The following LHFPL3 variants were observed in gnomAD, a reference collection of about 807,000 sequenced individuals.
The protein encoded by LHFPL3 is LHFPL tetraspan subfamily member 3 protein.
A neutral mutation model predicts 19.3 loss-of-function variants in LHFPL3; 5 were observed. The ratio of observed to expected loss-of-function variants is 0.26; its 90% CI spans 0.14 to 0.54. The LOEUF (loss-of-function observed/expected upper bound fraction) is 0.54. LHFPL3 is among the 20% of genes least tolerant of loss of function. The pLI, the probability that LHFPL3 is intolerant of heterozygous loss-of-function variation, is 0.94. For missense variants in LHFPL3, 249 were observed against 307.4 expected, an observed-to-expected ratio of 0.81 and a Z score of 1.42; for synonymous variants, 133 against 126.2, an observed-to-expected ratio of 1.05 and a Z score of -0.36.
At chr7:104,839,964 A>T (rs1217187720) in intron 2 of LHFPL3, among the ~76,000 whole-genome samples, 1 of 152,110 alleles carries the variant, frequency 6.6e-6, no homozygotes, top group African/African-American at 2.4e-5. Flanking sequence ...CCTAATCTCA[A>T]AATGAAGCAA....
At chr7:104,685,646 A>G (rs1792790506) in intron 1 of LHFPL3, among the ~76,000 whole-genome samples, 1 of 152,196 alleles carries the variant, frequency 6.6e-6, no homozygotes, top group Non-Finnish European at 1.5e-5. Context: ...AGAAGGTACA[A>G]CCAAGCACCA....
intron 1 of LHFPL3, among the ~76,000 whole-genome samples, chr7:104,392,131 A>G (rs996158678): frequency 4.6e-5 from 7 of 152,150 alleles, no homozygotes; most frequent in Non-Finnish European, 8.8e-5. Flanking sequence ...TCATCTGCAA[A>G]CAGGGACAAT....
intron 2 of LHFPL3, among the ~76,000 whole-genome samples, chr7:104,828,129 C>A (rs145462955): frequency 6.6e-6 from 1 of 151,912 alleles, no homozygotes; most frequent in Non-Finnish European, 1.5e-5. Flanking sequence ...AGTTTGGGAC[C>A]CTCTCCAGCT....
chr7:104,779,880 G>C (rs866139325), intron 2 of LHFPL3, among the ~76,000 whole-genome samples: 8 of 152,140 alleles, frequency 5.3e-5, no homozygotes, highest in African/African-American at 1.9e-4. Flanking sequence ...AAAGCCCCTA[G>C]CTGGAACTCT....
At chr7:104,737,874 A>G (rs960216209) in intron 2 of LHFPL3, among the ~76,000 whole-genome samples, 1 of 152,188 alleles carries the variant, frequency 6.6e-6, no homozygotes, top group Admixed American at 6.5e-5. Context: ...GCTAATTTCA[A>G]AAACCCTTCA....
At chr7:104,427,572 T>C (rs768838699) in intron 1 of LHFPL3, among the ~76,000 whole-genome samples, 1 of 152,222 alleles carries the variant, frequency 6.6e-6, no homozygotes, top group Non-Finnish European at 1.5e-5. Flanking sequence ...ATTTAAAAGA[T>C]GCAAACCACA....
intron 1 of LHFPL3, among the ~76,000 whole-genome samples, chr7:104,580,479 T>G (rs1241519121): frequency 1.3e-5 from 2 of 152,140 alleles, no homozygotes; most frequent in Non-Finnish European, 2.9e-5. Context: ...ATCTTATTTT[T>G]TATATATTCC....
chr7:104,360,370 C>T (rs1205819731), intron 1 of LHFPL3, among the ~76,000 whole-genome samples: 1 of 152,144 alleles, frequency 6.6e-6, no homozygotes, highest in Non-Finnish European at 1.5e-5. Flanking sequence ...CATACTTTAT[C>T]GTACCTGGCA....
chr7:104,810,199 A>C (rs1716596148), intron 2 of LHFPL3, among the ~76,000 whole-genome samples: 1 of 152,214 alleles, frequency 6.6e-6, no homozygotes, highest in Non-Finnish European at 1.5e-5. Flanking sequence ...GAGGAGTGCC[A>C]AAGGTAGTAG....
intron 1 of LHFPL3, among the ~76,000 whole-genome samples, chr7:104,367,490 T>A (rs1311121816): frequency 6.6e-6 from 1 of 152,224 alleles, no homozygotes; most frequent in African/African-American, 2.4e-5. Context: ...AACCATTACC[T>A]AGCATTAATG....
At chr7:104,719,677 T>C (rs1793451342) in intron 1 of LHFPL3, among the ~76,000 whole-genome samples, 1 of 152,210 alleles carries the variant, frequency 6.6e-6, no homozygotes, top group Admixed American at 6.5e-5. Flanking sequence ...AAATGTCTAG[T>C]TATAAGTAAC....
At chr7:104,857,939 T>C (rs569234720) in intron 2 of LHFPL3, among the ~76,000 whole-genome samples, 1 of 152,342 alleles carries the variant, frequency 6.6e-6, no homozygotes, top group East Asian at 1.9e-4. Context: ...ACACAGCAGC[T>C]TCTGTGGCAG....
intron 1 of LHFPL3, among the ~76,000 whole-genome samples, chr7:104,566,168 A>T (rs1178212920): frequency 2.6e-5 from 4 of 152,152 alleles, no homozygotes; most frequent in Non-Finnish European, 5.9e-5. Flanking sequence ...CAACATAGTC[A>T]GAACTAAACT....
chr7:104,775,930 A>T (rs554045995), intron 2 of LHFPL3, among the ~76,000 whole-genome samples: 1 of 150,658 alleles, frequency 6.6e-6, no homozygotes, highest in Non-Finnish European at 1.5e-5. Context: ...TTCCATGTGT[A>T]CTCTCTAAAA....
intron 1 of LHFPL3, among the ~76,000 whole-genome samples, chr7:104,563,732 A>G (rs1286540972): frequency 2.1e-5 from 3 of 146,330 alleles, no homozygotes; most frequent in Non-Finnish European, 3.0e-5. Flanking sequence ...TAAACCAGGA[A>G]GTAGGCCCTC....
chr7:104,713,642 G>A (rs1793333198), intron 1 of LHFPL3, among the ~76,000 whole-genome samples: 1 of 152,120 alleles, frequency 6.6e-6, no homozygotes, highest in African/African-American at 2.4e-5. Flanking sequence ...TGCGTGGGGA[G>A]GACACAGCCA....
chr7:104,840,675 A>G (rs1015645779), intron 2 of LHFPL3, among the ~76,000 whole-genome samples: 6 of 151,200 alleles, frequency 4.0e-5, no homozygotes, highest in African/African-American at 9.7e-5. Flanking sequence ...CCAAATATCC[A>G]GAAGGTGATG....
chr7:104,348,796 C>T (rs1271548929), intron 1 of LHFPL3, among the ~76,000 whole-genome samples: 1 of 152,166 alleles, frequency 6.6e-6, no homozygotes, highest in African/African-American at 2.4e-5. Context: ...CAGTATAATT[C>T]AAGGCGCTAA....
chr7:104,671,847 T>C (rs1792489130), intron 1 of LHFPL3, among the ~76,000 whole-genome samples: 1 of 152,182 alleles, frequency 6.6e-6, no homozygotes, highest in African/African-American at 2.4e-5. Flanking sequence ...ACTCTACCCA[T>C]TTTATAATTT....
Sources: allele counts gnomAD v4.1 joint callset (sites outside exome capture counted in the v4.1 genomes callset), GRCh38; gene constraint gnomAD v4.1.1; transcripts MANE v1.5; gene names NCBI Gene and HGNC (gene_info 2026-07-23, HGNC 2026-07-21).